SPATA31D1: variants seen among roughly 807,000 people sequenced by gnomAD.
SPATA31D1 encodes spermatogenesis-associated protein 31D1.
Under a neutral mutation model 13.2 loss-of-function variants are expected in SPATA31D1, and 6 were observed. The observed-to-expected ratio is 0.46, with a 90% CI of 0.25 to 0.90. The LOEUF (loss-of-function observed/expected upper bound fraction) is 0.90, where lower values mean the gene tolerates loss of function less well. Among genes scored for constraint, SPATA31D1 ranks in the 40% least tolerant of loss-of-function variants. The pLI is 0.18. For missense variants in SPATA31D1, 2,445 were observed against 1,884.7 expected (o/e 1.30, Z -5.50); for synonymous variants, 903 against 718.8 (o/e 1.26, Z -4.10).
At position 81,994,238 on chromosome 9, in the gene SPATA31D1, T is replaced by C. The variant is rs1034304405; in HGVS notation, c.3768T>C (p.His1256=). ...ACATGGGAACTTCCCAGGTGGTGCA[T>C]GTCCACTTGGAGGACAGCGGAATCC... ...SGDMGTSQVV[H]VHLEDSGIRV... is the part of the protein sequence containing the mutation. The change falls in exon 4 of 4, where the codon CAT becomes CAC. Residue 1256 remains histidine (H), a synonymous_variant. Transcript: ENST00000344803. 1 of 1,613,904 alleles carries C rather than the reference T, an allele frequency of 6.2e-7. No homozygotes were observed. The highest frequency in any genetic ancestry group is 1.3e-5 in the African/African-American group (1 of 74,930).
At position 81,994,289 on chromosome 9, in the gene SPATA31D1, G is replaced by A. The variant is rs1247051271; in HGVS notation, c.3819G>A (p.Arg1273=). Residue 1273 remains arginine, a synonymous_variant, in exon 4 of 4, where the codon AGG becomes AGA. Transcript: ENST00000344803. ...GTGTGGCACAGAAGCAGGAGCCCAG[G>A]GTCCCTACCTGTGTCTTACAGAAGT... ...GIRVAQKQEP[R]VPTCVLQKCQ... 4.3e-6 allele frequency: 7 copies of A among 1,613,820 alleles called. No homozygotes were observed. Among genetic ancestry groups the A allele is most frequent in the Middle Eastern group, 1.6e-4 (1 of 6,084 alleles).
At chr9:81,989,672 A>G (rs1824913611) in intron 1 of SPATA31D1, 106 bp from the exon 2 acceptor site, 1 of 1,212,320 alleles carries the variant, frequency 8.2e-7, no homozygotes. Flanking sequence ...ATTAAAGAGT[A>G]ATATTCTTGT....
At chr9:81,988,122 T>C (rs556479824), upstream of SPATA31D1, among the ~76,000 whole-genome samples, 20 of 152,336 alleles carry the variant, frequency 1.3e-4, no homozygotes, top group South Asian at 4.1e-3. Flanking sequence ...GGGGACAGGT[T>C]TGATCTGGAC....
Position 81,991,933 on chromosome 9 carries a change from A to G in SPATA31D1, c.1463A>G (p.His488Arg), listed in dbSNP as rs778549598. ...EWQHIHQQPPHSKCFEDHLEQ... is the reference protein window; with the variant it reads ...EWQHIHQQPPRSKCFEDHLEQ... ...CAGCACATCCATCAGCAGCCTCCAC[A>G]CTCTAAATGCTTTGAAGACCATTTA... The change falls in exon 4 of 4, where the codon CAC becomes CGC. Residue 488 changes from histidine (H) to arginine (R), a missense_variant. Coordinates refer to ENST00000344803, the MANE Select transcript of SPATA31D1 (RefSeq NM_001001670.3). The G allele has an allele frequency of 1.5e-5, 25 of 1,613,508 alleles. No homozygotes were observed. Among genetic ancestry groups the G allele is most frequent in the Non-Finnish European group, 2.0e-5 (24 of 1,179,698 alleles).
chr9:81,995,025 C>A lies in SPATA31D1; in HGVS notation c.4555C>A (p.Pro1519Thr). 6.2e-7 allele frequency: 1 copy of A among 1,613,876 alleles called. No individual in the cohort carries two copies. Among genetic ancestry groups the A allele is most frequent in the Non-Finnish European group, 8.5e-7 (1 of 1,179,850 alleles). Residue 1519 changes from proline (P) to threonine (T), a missense_variant, in exon 4 of 4, where the codon CCC becomes ACC. Pro to Thr is a conservative substitution (Grantham distance 38). Transcript: ENST00000344803. ...ILCQSHPQSM[P>T]HRKPVPHPNP... is the part of the protein sequence containing the mutation. ...GTGTCAAAGCCATCCCCAATCCATGCCCCACAGGAAGCCTGTGCCACATCC... is the reference window on the plus strand; with the variant it reads ...GTGTCAAAGCCATCCCCAATCCATGACCCACAGGAAGCCTGTGCCACATCC...
upstream of SPATA31D1, among the ~76,000 whole-genome samples, chr9:81,988,020 G>A (rs993097279): frequency 1.3e-5 from 2 of 152,176 alleles, no homozygotes; most frequent in Non-Finnish European, 2.9e-5. Flanking sequence ...AGGACTTACA[G>A]ACCTCCGCTT....
chr9:81,989,649 C>G (rs1370900128), intron 1 of SPATA31D1, 129 bp from the exon 2 acceptor site: 16 of 1,034,298 alleles, frequency 1.5e-5, no homozygotes, highest in Non-Finnish European at 2.2e-5. Flanking sequence ...ATAACAGGAA[C>G]ATATTTCTAT....
Position 81,991,797 on chromosome 9 carries a change from A to G in SPATA31D1, c.1327A>G (p.Arg443Gly). Residue 443 changes from arginine (R) to glycine (G), a missense_variant, in exon 4 of 4, where the codon AGG becomes GGG. By Grantham distance (125) the Arg-to-Gly change is moderately radical. Coordinates refer to ENST00000344803, the MANE Select transcript of SPATA31D1 (RefSeq NM_001001670.3). Reference protein sequence around the residue: ...KKPGSFPKQLRPNYQLNSSRN... With the variant: ...KKPGSFPKQLGPNYQLNSSRN... Reference sequence around the variant, plus strand: ...ACCAGGATCATTCCCAAAACAACTTAGGCCAAACTACCAACTAAATTCCTC... The same window carrying G: ...ACCAGGATCATTCCCAAAACAACTTGGGCCAAACTACCAACTAAATTCCTC... 1 of 1,613,818 alleles carries G rather than the reference A, an allele frequency of 6.2e-7. No homozygotes were observed. The highest frequency in any genetic ancestry group is 8.5e-7 in the Non-Finnish European group (1 of 1,179,734).
chr9:81,990,974 A>C lies in SPATA31D1; in HGVS notation c.504A>C (p.Ser168=). The change falls in exon 4 of 4, where the codon TCA becomes TCC. Residue 168 remains serine (S), a synonymous_variant. Transcript: ENST00000344803. The stretch of plus-strand genomic sequence containing the variant: ...CTTCTTCGGCTTCTGCGACTGAGTC[A>C]TCGTTCACTCTGGCTTCCACCCCCT... ...PLASSASATE[S]SFTLASTPSA... The C allele has an allele frequency of 6.2e-7, 1 of 1,613,728 alleles. No homozygotes were observed. The highest frequency in any genetic ancestry group is 2.2e-5 in the East Asian group (1 of 44,864).
At position 81,992,230 on chromosome 9, in the gene SPATA31D1, C is replaced by T; in HGVS notation, c.1760C>T (p.Pro587Leu). The T allele has an allele frequency of 6.2e-7, 1 of 1,613,776 alleles. No homozygotes were observed. Among genetic ancestry groups the T allele is most frequent in the Non-Finnish European group, 8.5e-7 (1 of 1,179,732 alleles). ...QVKSLAQPQS[P>L]FRALLPSPLF... ...AAGTCCCTGGCTCAACCTCAATCTC[C>T]ATTCCGAGCCCTACTACCTAGTCCT... The change falls in exon 4 of 4, where the codon CCA becomes CTA. Residue 587 changes from proline to leucine, a missense_variant. Pro to Leu is a moderately conservative substitution (Grantham distance 98). Transcript: ENST00000344803.
rs374785749 is a variant in SPATA31D1, at chr9:81,994,440, C to T, written c.3970C>T (p.His1324Tyr). 3.5e-5 allele frequency: 57 copies of T among 1,613,564 alleles called. No homozygotes were observed. In the African/African-American group the frequency reaches 6.7e-4, roughly 19 times the overall value. The part of the protein sequence containing the change: ...SQRRRKSLPV[H>Y]NKTSGEVLGS... ...ACGCAGGAGAAAGAGCCTCCCTGTTCATAACAAGACATCAGGGGAGGTGCT... is the reference window on the plus strand; with the variant it reads ...ACGCAGGAGAAAGAGCCTCCCTGTTTATAACAAGACATCAGGGGAGGTGCT... The change falls in exon 4 of 4, where the codon CAT becomes TAT. Residue 1324 changes from histidine to tyrosine, a missense_variant. By Grantham distance (83) the His-to-Tyr change is moderately conservative. Transcript: ENST00000344803.
Position 81,993,880 on chromosome 9 carries a change from T to C in SPATA31D1, c.3410T>C (p.Val1137Ala). The C allele has an allele frequency of 6.2e-7, 1 of 1,613,994 alleles. No individual in the cohort carries two copies. Among genetic ancestry groups the C allele is most frequent in the South Asian group, 1.1e-5 (1 of 91,086 alleles). Residue 1137 changes from valine (V) to alanine (A), a missense_variant, in exon 4 of 4, where the codon GTA becomes GCA. Val to Ala is a moderately conservative substitution (Grantham distance 64). Coordinates refer to ENST00000344803, the MANE Select transcript of SPATA31D1 (RefSeq NM_001001670.3). The part of the protein sequence containing the change: ...WDKRKSSFHN[V>A]DRLQGSRKTF... ...AAGAGAAAGAGTTCCTTTCATAATG[T>C]AGACAGGCTTCAGGGCAGTAGAAAG...
Position 81,995,100 on chromosome 9 carries a change from A to C in SPATA31D1, c.4630A>C (p.Thr1544Pro), listed in dbSNP as rs746207988. The C allele has an allele frequency of 1.9e-6, 3 of 1,609,972 alleles. No individual in the cohort carries two copies. Among genetic ancestry groups the C allele is most frequent in the East Asian group, 4.5e-5 (2 of 44,796 alleles). The change falls in exon 4 of 4, where the codon ACC (threonine) becomes CCC (proline). Residue 1544 changes from threonine (T) to proline (P), a missense_variant. Transcript: ENST00000344803. ...CAGCCTGGTGTGTCCAGCCGTCCCA[A>C]CCAGTGCTAAAAGCCCTGTGTTTAG... is the stretch of plus-strand genomic sequence containing the variant. Reference protein sequence around the residue: ...QVSLVCPAVPTSAKSPVFSDV... With the variant: ...QVSLVCPAVPPSAKSPVFSDV...
chr9:81,990,643 G>A (rs1169095687), intron 3 of SPATA31D1, 130 bp from the exon 4 acceptor site: 10 of 1,344,408 alleles, frequency 7.4e-6, no homozygotes, highest in South Asian at 2.8e-5. Flanking sequence ...AGAGGCTATA[G>A]TGAGGTCATA....
rs1824956311 is a variant in SPATA31D1 at position 81,991,356 on chromosome 9, C to A, written c.886C>A (p.His296Asn). ...MNPIDSCARH[H>N]GPPIPSALPP... is the part of the protein sequence containing the mutation. ...TCCCATTGATTCTTGTGCTCGTCAT[C>A]ACGGACCACCAATCCCATCTGCTTT... The change falls in exon 4 of 4, where the codon CAC becomes AAC. Residue 296 changes from histidine (H) to asparagine (N), a missense_variant. Physicochemically the swap from His to Asn is moderately conservative, Grantham distance 68. Coordinates refer to ENST00000344803, the MANE Select transcript of SPATA31D1 (RefSeq NM_001001670.3). 7 of 1,614,030 alleles carry A rather than the reference C, an allele frequency of 4.3e-6. No homozygotes were observed. The East Asian group carries it at 1.6e-4, about 36-fold the overall frequency.
chr9:81,992,103 C>A lies in SPATA31D1; in HGVS notation c.1633C>A (p.Pro545Thr). The A allele has an allele frequency of 6.2e-7, 1 of 1,613,726 alleles. No homozygotes were observed. Among genetic ancestry groups the A allele is most frequent in the African/African-American group, 1.3e-5 (1 of 75,008 alleles). ...ITNTSISHESPVLPPPQPLSL... is the reference protein window; with the variant it reads ...ITNTSISHESTVLPPPQPLSL... ...AAATACATCTATATCCCATGAATCC[C>A]CAGTACTTCCCCCTCCCCAACCTCT... Residue 545 changes from proline (P) to threonine (T), a missense_variant, in exon 4 of 4, where the codon CCA becomes ACA. Coordinates refer to ENST00000344803, the MANE Select transcript of SPATA31D1 (RefSeq NM_001001670.3).
rs1326284002 is a variant in SPATA31D1 at position 81,994,991 on chromosome 9, G to T, written c.4521G>T (p.Gly1507=). Residue 1507 remains glycine, a synonymous_variant, in exon 4 of 4, where the codon GGG becomes GGT. Coordinates refer to ENST00000344803, the MANE Select transcript of SPATA31D1 (RefSeq NM_001001670.3). The stretch of plus-strand genomic sequence containing the variant: ...CCCAGAAAGTTGAGGCATTTAAGGG[G>T]AAGATACTGTGTCAAAGCCATCCCC... ...RQPQKVEAFK[G]KILCQSHPQS... The T allele has an allele frequency of 6.2e-7, 1 of 1,613,966 alleles. No homozygotes were observed. Among genetic ancestry groups the T allele is most frequent in the South Asian group, 1.1e-5 (1 of 91,068 alleles).
At position 81,992,366 on chromosome 9, in the gene SPATA31D1, G is replaced by T; in HGVS notation, c.1896G>T (p.Val632=). The T allele has an allele frequency of 6.2e-7, 1 of 1,613,806 alleles. No homozygotes were observed. The highest frequency in any genetic ancestry group is 8.5e-7 in the Non-Finnish European group (1 of 1,179,734). The change falls in exon 4 of 4, where the codon GTG becomes GTT. Residue 632 remains valine, a synonymous_variant. Transcript: ENST00000344803. ...TGGAGTGGAACGTGTTGCAGAAAGTGCAGGAAAGTTTGTGGGGCTTACCCT... is the reference window on the plus strand; with the variant it reads ...TGGAGTGGAACGTGTTGCAGAAAGTTCAGGAAAGTTTGTGGGGCTTACCCT... ...NHLEWNVLQK[V]QESLWGLPSV...
rs770450590 is a variant in SPATA31D1 at position 81,988,874 on chromosome 9, A to T, written c.56A>T (p.Asp19Val). The T allele has an allele frequency of 6.2e-7, 1 of 1,612,888 alleles. No homozygotes were observed. The highest frequency in any genetic ancestry group is 8.5e-7 in the Non-Finnish European group (1 of 1,179,698). ...NSYTETGLSP[D>V]SHWLDIDPNF... ...TATACTGAGACAGGGCTGAGCCCTG[A>T]CTCACATTGGTTGGATATCGACCCC... Residue 19 changes from aspartate (D) to valine (V), a missense_variant, in exon 1 of 4, where the codon GAC becomes GTC. Asp to Val is a radical substitution (Grantham distance 152). Coordinates refer to ENST00000344803, the MANE Select transcript of SPATA31D1 (RefSeq NM_001001670.3).
Sources: allele counts gnomAD v4.1 joint callset (sites outside exome capture counted in the v4.1 genomes callset), GRCh38; gene constraint gnomAD v4.1.1; transcripts MANE v1.5; gene names NCBI Gene and HGNC (gene_info 2026-07-23, HGNC 2026-07-21).